The following SAMD3 variants were observed in gnomAD, a reference collection of about 807,000 sequenced individuals.
SAMD3 encodes the protein sterile alpha motif domain containing 3.
A neutral mutation model predicts 58.5 loss-of-function variants in SAMD3; 63 were observed. The observed-to-expected ratio is 1.08, with a 90% CI of 0.88 to 1.33. SAMD3 has a LOEUF of 1.33. Ranked by LOEUF, SAMD3 falls within the 40% of genes most tolerant of loss-of-function variation. The pLI is 0.00. For missense variants in SAMD3, 604 were observed against 608.4 expected, an observed-to-expected ratio of 0.99 and a Z score of 0.08; for synonymous variants, 220 against 210.3, an observed-to-expected ratio of 1.05 and a Z score of -0.40.
At chr6:130,150,755 A>G (rs1439708490) in intron 9 of SAMD3, among the ~76,000 whole-genome samples, 3 of 145,590 alleles carry the variant, frequency 2.1e-5, no homozygotes, top group African/African-American at 7.7e-5. Context: ...TCCATCGCCC[A>G]GGCTGGAGTC....
chr6:130,196,487 A>G (rs1190980975), intron 5 of SAMD3, among the ~76,000 whole-genome samples: 1 of 151,590 alleles, frequency 6.6e-6, no homozygotes, highest in African/African-American at 2.4e-5. Context: ...CCTGTTTCTC[A>G]CCCTGATCAC....
At position 130,149,626 on chromosome 6, in the gene SAMD3, C is replaced by T. The variant is rs543648889; in HGVS notation, c.1024-3445G>A. Reference sequence around the variant, plus strand: ...TAATGCAGGACTAGAAAACCAGATACTGCATGTTCTTTCTTATAAGTGGGA... The same window carrying T: ...TAATGCAGGACTAGAAAACCAGATATTGCATGTTCTTTCTTATAAGTGGGA... On this transcript the variant is annotated intron_variant, in intron 9 of 11. Coordinates refer to ENST00000439090, the MANE Select transcript of SAMD3 (RefSeq NM_001017373.4). Among the ~76,000 whole-genome samples, 231 of 152,300 alleles carry T rather than the reference C, an allele frequency of 1.5e-3. 1 individual carries two copies. The highest frequency in any genetic ancestry group is 5.4e-3 in the African/African-American group (224 of 41,564).
chr6:130,316,206 G>A (rs1224545444), intron 1 of SAMD3, among the ~76,000 whole-genome samples: 2 of 150,586 alleles, frequency 1.3e-5, no homozygotes, highest in Non-Finnish European at 2.9e-5. Flanking sequence ...CAGGAGAATT[G>A]CTTGAGCCTG....
chr6:130,298,450 T>C (rs900412338), intron 2 of SAMD3, among the ~76,000 whole-genome samples: 1 of 152,064 alleles, frequency 6.6e-6, no homozygotes, highest in Non-Finnish European at 1.5e-5. Flanking sequence ...ACAGATCATA[T>C]AAGGCAATTA....
chr6:130,238,758 A>G lies in SAMD3; in HGVS notation c.-187-15945T>C, dbSNP rs974318320. Among the ~76,000 whole-genome samples the G allele has an allele frequency of 2.0e-5, 3 of 151,912 alleles. No individual in the cohort carries two copies. In the South Asian group the frequency reaches 6.2e-4, roughly 32 times the overall value. On this transcript the variant is annotated intron_variant, in intron 2 of 13. Transcript: ENST00000368134. Reference sequence around the variant, plus strand: ...ATGGGAGAAATGTTCTTAGTTTCCCAGATTTGTTTGTTTGTTTTGAGACAG... The same window carrying G: ...ATGGGAGAAATGTTCTTAGTTTCCCGGATTTGTTTGTTTGTTTTGAGACAG...
At chr6:130,327,246 ATCAG>A (rs1776788747) in intron 1 of SAMD3, among the ~76,000 whole-genome samples, 1 of 152,212 alleles carries the variant, frequency 6.6e-6, no homozygotes. Context: ...CATGAAACAC[ATCAG>A]TCAAAATTTA....
At chr6:130,199,248 GC>G (rs1794422146) in intron 5 of SAMD3, among the ~76,000 whole-genome samples, 1 of 152,132 alleles carries the variant, frequency 6.6e-6, no homozygotes, top group African/African-American at 2.4e-5. Flanking sequence ...AAGAAATTGT[GC>G]CCCACAAGTG....
intron 5 of SAMD3, among the ~76,000 whole-genome samples, chr6:130,205,924 C>A (rs768412594): frequency 6.6e-6 from 1 of 152,082 alleles, no homozygotes; most frequent in African/African-American, 2.4e-5. Flanking sequence ...CCTTAATGAA[C>A]AACTGTTGAC....
rs1273316288 is a variant in SAMD3 at position 130,184,495 on chromosome 6, C to T, written c.512G>A (p.Arg171Lys). Residue 171 changes from arginine (R) to lysine (K), a missense_variant, in exon 6 of 12, where the codon AGG becomes AAG. By Grantham distance (26) the Arg-to-Lys change is conservative (BLOSUM62 2). Coordinates refer to ENST00000439090, the MANE Select transcript of SAMD3 (RefSeq NM_001017373.4). ...AEQKCPDHSM[R>K]IRIIEFLQAD... ...CTGGAGAAACTCAATGATCCTTATC[C>T]TCATGCTGTGATCCGGGCACTTCTG... The T allele has an allele frequency of 1.9e-6, 3 of 1,614,134 alleles. No homozygotes were observed. The highest frequency in any genetic ancestry group is 2.5e-6 in the Non-Finnish European group (3 of 1,180,002).
chr6:130,282,692 T>C (rs2114952423), intron 2 of SAMD3, among the ~76,000 whole-genome samples: 1 of 152,158 alleles, frequency 6.6e-6, no homozygotes, highest in African/African-American at 2.4e-5. Context: ...ACAAGGACGC[T>C]AAAAGTAACA....
intron 2 of SAMD3, among the ~76,000 whole-genome samples, chr6:130,241,730 G>T (rs2114895308): frequency 6.6e-6 from 1 of 152,132 alleles, no homozygotes; most frequent in African/African-American, 2.4e-5. Context: ...GACCCAAAAG[G>T]AGAGTGTTTG....
chr6:130,290,245 A>C (rs1299060234), intron 2 of SAMD3, among the ~76,000 whole-genome samples: 2 of 152,162 alleles, frequency 1.3e-5, no homozygotes, highest in Admixed American at 6.6e-5. Context: ...TGAAATCCAT[A>C]AACAGGAGAG....
At chr6:130,232,540 A>AT (rs888032682) in intron 2 of SAMD3, among the ~76,000 whole-genome samples, 3 of 152,202 alleles carry the variant, frequency 2.0e-5, no homozygotes, top group African/African-American at 7.2e-5. Context: ...TGTCAGCACA[A>AT]TTTGAAACAC....
intron 2 of SAMD3, among the ~76,000 whole-genome samples, chr6:130,299,500 C>T (rs953647088): frequency 1.3e-5 from 2 of 151,874 alleles, no homozygotes; most frequent in East Asian, 1.9e-4. Flanking sequence ...CACTAAATGC[C>T]GACATCACAA....
chr6:130,213,735 C>T (rs1582949546), intron 4 of SAMD3, among the ~76,000 whole-genome samples: 1 of 152,148 alleles, frequency 6.6e-6, no homozygotes, highest in Non-Finnish European at 1.5e-5. Flanking sequence ...ACAAATAAAA[C>T]CGTCCCCAAA....
intron 7 of SAMD3, chr6:130,176,299 T>G (rs1791720715): frequency 5.8e-6 from 2 of 344,932 alleles, no homozygotes. Flanking sequence ...TTCTTGAACC[T>G]GGATTTTCTA....
In SAMD3 at chr6:130,295,449, C is replaced by T. The variant is rs949560983; in HGVS notation, c.-188+17529G>A. Among the ~76,000 whole-genome samples, 16 of 152,212 alleles carry T rather than the reference C, an allele frequency of 1.1e-4. 1 individual carries two copies. The highest frequency in any genetic ancestry group is 2.1e-4 in the Non-Finnish European group (14 of 68,014). ...TAAATTGCATCCTAAATTTCTCTTG[C>T]GGTCATAGGATTGTAGTCAGTAGCA... On this transcript the variant is annotated intron_variant, in intron 2 of 13. Coordinates refer to the SAMD3 transcript ENST00000368134.
At chr6:130,185,631 T>A (rs1160196820) in intron 5 of SAMD3, among the ~76,000 whole-genome samples, 1 of 143,194 alleles carries the variant, frequency 7.0e-6, no homozygotes, top group East Asian at 1.9e-4. Flanking sequence ...CTGCCCAATT[T>A]TTTTTTTTTT....
chr6:130,320,342 C>G (rs1776544241), intron 1 of SAMD3, among the ~76,000 whole-genome samples: 1 of 152,000 alleles, frequency 6.6e-6, no homozygotes. Context: ...AAAACTAAAG[C>G]CACAAAAGAA....
Sources: gnomAD v4.1 joint callset for allele counts (sites outside exome capture counted in the v4.1 genomes callset) on GRCh38, gnomAD v4.1.1 for gene constraint, MANE v1.5 for transcripts, NCBI Gene and HGNC (gene_info 2026-07-23, HGNC 2026-07-21) for gene names.